Variants in TANC2 observed in about 807,000 individuals in gnomAD.
TANC2 encodes tetratricopeptide repeat, ankyrin repeat and coiled-coil containing 2.
A neutral mutation model predicts 210.5 loss-of-function variants in TANC2; 26 were observed. The ratio of observed to expected loss-of-function variants is 0.12; its 90% CI spans 0.09 to 0.17. TANC2 has a LOEUF of 0.17. Ranked by LOEUF, TANC2 falls within the 10% of genes least tolerant of loss-of-function variation. The pLI is 1.00. For missense variants in TANC2, 2,129 were observed against 2,608.9 expected, an observed-to-expected ratio of 0.82 and a Z score of 4.01; for synonymous variants, 931 against 967.1, an observed-to-expected ratio of 0.96 and a Z score of 0.69.
chr17:63,316,423 G>A (rs1394538194), intron 10 of TANC2, among the ~76,000 whole-genome samples: 1 of 152,136 alleles, frequency 6.6e-6, no homozygotes, highest in Non-Finnish European at 1.5e-5. Flanking sequence ...AGAGGTACCT[G>A]GGGATCTCTC....
chr17:63,419,892 A>G, intron 27 of TANC2, 107 bp from the exon 28 acceptor site: 1 of 1,331,754 alleles, frequency 7.5e-7, no homozygotes, highest in Non-Finnish European at 1.0e-6. Flanking sequence ...CCAGACTCCC[A>G]CAGACGCCAC....
chr17:63,006,638 C>A (rs2033635452), intron 1 of TANC2, among the ~76,000 whole-genome samples: 1 of 152,094 alleles, frequency 6.6e-6, no homozygotes, highest in Non-Finnish European at 1.5e-5. Flanking sequence ...TGAAAGATTT[C>A]AAAATTTACT....
chr17:63,273,466 A>G (rs1598749751), intron 9 of TANC2, among the ~76,000 whole-genome samples: 1 of 152,150 alleles, frequency 6.6e-6, no homozygotes, highest in African/African-American at 2.4e-5. Flanking sequence ...GACCCATTAC[A>G]TGTTAAAGTT....
intron 4 of TANC2, among the ~76,000 whole-genome samples, chr17:63,102,358 G>T (rs1275831075): frequency 2.0e-5 from 3 of 149,620 alleles, no homozygotes; most frequent in African/African-American, 7.3e-5. Context: ...AGTTGGAGAG[G>T]TGGGCAGAAG....
chr17:63,164,270 G>C (rs991259573), intron 5 of TANC2, among the ~76,000 whole-genome samples: 1 of 151,832 alleles, frequency 6.6e-6, no homozygotes, highest in Non-Finnish European at 1.5e-5. Flanking sequence ...AAAATACTGG[G>C]ATTACAGGTG....
At chr17:63,333,665 A>G (rs568286314) in intron 11 of TANC2, among the ~76,000 whole-genome samples, 146 of 152,342 alleles carry the variant, frequency 9.6e-4, no homozygotes, top group Admixed American at 1.6e-3. Context: ...AAGTTCTCCT[A>G]TGGGTAAAAT....
At chr17:63,183,576 G>A (rs992193363) in intron 5 of TANC2, among the ~76,000 whole-genome samples, 2 of 152,136 alleles carry the variant, frequency 1.3e-5, no homozygotes, top group Non-Finnish European at 2.9e-5. Flanking sequence ...CTCATTATTC[G>A]AGTGATGGGT....
chr17:63,361,759 T>A (rs2046964807), intron 14 of TANC2, among the ~76,000 whole-genome samples: 2 of 152,240 alleles, frequency 1.3e-5, no homozygotes, highest in South Asian at 4.1e-4. Context: ...TGAGGTCTTG[T>A]CCTGCATCCA....
chr17:62,984,483 C>T (rs1454278118), intron 1 of TANC2, among the ~76,000 whole-genome samples: 1 of 151,466 alleles, frequency 6.6e-6, no homozygotes, highest in South Asian at 2.1e-4. Flanking sequence ...TGATCGTATT[C>T]TTTCCTTCTG....
chr17:63,071,203 T>TG (rs1257814680), intron 2 of TANC2, among the ~76,000 whole-genome samples: 1 of 152,182 alleles, frequency 6.6e-6, no homozygotes, highest in Non-Finnish European at 1.5e-5. Context: ...TTCATAGATG[T>TG]GGGGAATAGA....
intron 11 of TANC2, among the ~76,000 whole-genome samples, chr17:63,331,639 G>T (rs985016697): frequency 6.6e-6 from 1 of 152,138 alleles, no homozygotes; most frequent in African/African-American, 2.4e-5. Context: ...CCCACAAAAA[G>T]ATCTGGGTTT....
intron 9 of TANC2, among the ~76,000 whole-genome samples, chr17:63,293,242 G>A (rs1173149949): frequency 6.6e-6 from 1 of 152,076 alleles, no homozygotes; most frequent in Non-Finnish European, 1.5e-5. Flanking sequence ...TCCTACTATG[G>A]CCTTAAGTAT....
chr17:63,331,104 C>T (rs984076729), intron 11 of TANC2, among the ~76,000 whole-genome samples: 4 of 152,114 alleles, frequency 2.6e-5, no homozygotes, highest in Non-Finnish European at 5.9e-5. Context: ...CTGGGGTGTG[C>T]CCCTACTTGA....
At chr17:62,974,383 T>C (rs2031882385) in intron 1 of TANC2, among the ~76,000 whole-genome samples, 1 of 152,244 alleles carries the variant, frequency 6.6e-6, no homozygotes, top group South Asian at 2.1e-4. Flanking sequence ...GTTTCTCATA[T>C]ACATTTTTTG....
chr17:63,022,352 AAAG>A, intron 2 of TANC2, among the ~76,000 whole-genome samples: 1 of 151,606 alleles, frequency 6.6e-6, no homozygotes, highest in Non-Finnish European at 1.5e-5. Context: ...AAAAAAAAAA[AAAG>A]AATGACAAAC....
intron 9 of TANC2, among the ~76,000 whole-genome samples, chr17:63,290,122 A>G (rs2044341436): frequency 1.3e-5 from 2 of 150,678 alleles, no homozygotes; most frequent in South Asian, 4.2e-4. Flanking sequence ...GCATGTTTCA[A>G]AATGGTTACT....
At chr17:62,997,116 CTTT>C (rs74374010) in intron 1 of TANC2, among the ~76,000 whole-genome samples, 3 of 120,948 alleles carry the variant, frequency 2.5e-5, no homozygotes, top group African/African-American at 3.1e-5. Context: ...CACCCAGCCT[CTTT>C]TTTTTTTTTT....
chr17:63,038,056 A>G (rs543435912), intron 2 of TANC2, among the ~76,000 whole-genome samples: 1 of 152,228 alleles, frequency 6.6e-6, no homozygotes, highest in South Asian at 2.1e-4. Context: ...TTCTAGTACA[A>G]TGATGGCTAA....
intron 15 of TANC2, among the ~76,000 whole-genome samples, chr17:63,385,884 G>A (rs2047762773): frequency 6.6e-6 from 1 of 152,218 alleles, no homozygotes; most frequent in Non-Finnish European, 1.5e-5. Context: ...GCATAGGATT[G>A]TGTTTCTGGG....
Sources: gnomAD v4.1 joint callset for allele counts (sites outside exome capture counted in the v4.1 genomes callset) on GRCh38, gnomAD v4.1.1 for gene constraint, MANE v1.5 for transcripts, NCBI Gene and HGNC (gene_info 2026-07-23, HGNC 2026-07-21) for gene names.